PTPN9: variants seen among roughly 807,000 people sequenced by gnomAD.
The protein encoded by PTPN9 is tyrosine-protein phosphatase non-receptor type 9.
In PTPN9, 26 loss-of-function variants were observed where a neutral mutation model predicts 69.8. That is an observed-to-expected ratio of 0.37 (90% confidence interval 0.27 to 0.52). The LOEUF is 0.52. Ranked by LOEUF, PTPN9 falls within the 20% of genes least tolerant of loss-of-function variation. The probability of loss-of-function intolerance (pLI) is 0.91; values close to 1 mark genes in which losing one functional copy is unlikely to be tolerated. For missense variants in PTPN9, 549 were observed against 740.3 expected, an observed-to-expected ratio of 0.74 and a Z score of 3.00; for synonymous variants, 274 against 272.5, an observed-to-expected ratio of 1.01 and a Z score of -0.05.
chr15:75,555,878 C>G (rs1242697268), intron 1 of PTPN9, among the ~76,000 whole-genome samples: 1 of 151,732 alleles, frequency 6.6e-6, no homozygotes, highest in Non-Finnish European at 1.5e-5. Flanking sequence ...TTAAGAACCA[C>G]TGCTCTAGCC....
At chr15:75,497,211 T>C (rs1458197170) in intron 7 of PTPN9, among the ~76,000 whole-genome samples, 1 of 152,108 alleles carries the variant, frequency 6.6e-6, no homozygotes, top group East Asian at 1.9e-4. Context: ...AAAAGACAGC[T>C]GGGCACAGTG....
At chr15:75,521,462 A>T (rs1055258419) in intron 4 of PTPN9, among the ~76,000 whole-genome samples, 1 of 151,998 alleles carries the variant, frequency 6.6e-6, no homozygotes, top group Non-Finnish European at 1.5e-5. Flanking sequence ...AAAGGAAAAA[A>T]AAAATAAAAA....
Position 75,508,930 on chromosome 15 carries a change from T to G in PTPN9, c.626A>C (p.Lys209Thr). The stretch of plus-strand genomic sequence containing the variant: ...AGCTTGCCTTACCCTCTCCCGGACT[T>G]TGTCCTTCAGGAGGAGACTGATGAT... ...YSIISLLLKD[K>T]VRERIQILKT... is the part of the protein sequence containing the mutation. The change falls in exon 6 of 13, where the codon AAA (lysine) becomes ACA (threonine). Residue 209 changes from lysine to threonine, a missense_variant. Physicochemically the swap from Lys to Thr is moderately conservative, Grantham distance 78 (BLOSUM62 -1). Around this residue, in one of 3 missense-constraint regions of PTPN9, gnomAD observed 457 missense variants for 661.9 expected, o/e 0.69. Transcript: ENST00000618819. 1 of 1,613,128 alleles carries G rather than the reference T, an allele frequency of 6.2e-7. No homozygotes were observed. Among genetic ancestry groups the G allele is most frequent in the Non-Finnish European group, 8.5e-7 (1 of 1,179,144 alleles).
At chr15:75,512,472 T>C (rs1457758829) in intron 5 of PTPN9, among the ~76,000 whole-genome samples, 1 of 152,152 alleles carries the variant, frequency 6.6e-6, no homozygotes, top group Non-Finnish European at 1.5e-5. Flanking sequence ...AGATTATAGA[T>C]TTAAGTCACT....
chr15:75,483,680 A>G (rs977848642), intron 8 of PTPN9, among the ~76,000 whole-genome samples: 2 of 152,212 alleles, frequency 1.3e-5, no homozygotes, highest in African/African-American at 4.8e-5. Context: ...TATACTTTAA[A>G]TAGGTAAATT....
chr15:75,551,792 T>C (rs189055347), intron 1 of PTPN9, among the ~76,000 whole-genome samples: 81 of 152,196 alleles, frequency 5.3e-4, no homozygotes, highest in African/African-American at 1.9e-3. Context: ...ATCTCAGCAC[T>C]TTGAGAGGCT....
chr15:75,493,686 G>A (rs1397231969), intron 7 of PTPN9, among the ~76,000 whole-genome samples: 3 of 152,064 alleles, frequency 2.0e-5, no homozygotes, highest in Admixed American at 2.0e-4. Flanking sequence ...GCTTGAACAC[G>A]GGAAATGGAG....
At chr15:75,538,873 G>A (rs2074996449) in intron 1 of PTPN9, among the ~76,000 whole-genome samples, 1 of 152,090 alleles carries the variant, frequency 6.6e-6, no homozygotes, top group Non-Finnish European at 1.5e-5. Flanking sequence ...CCTCTGGGGA[G>A]AGAAAATGAA....
At chr15:75,535,058 G>A (rs987312825) in intron 1 of PTPN9, among the ~76,000 whole-genome samples, 3 of 151,176 alleles carry the variant, frequency 2.0e-5, no homozygotes, top group East Asian at 2.0e-4. Context: ...GTGCAGTGGC[G>A]TGATCTCGGC....
chr15:75,507,706 G>C (rs1252880353), intron 6 of PTPN9, among the ~76,000 whole-genome samples: 2 of 151,878 alleles, frequency 1.3e-5, no homozygotes, highest in Non-Finnish European at 2.9e-5. Flanking sequence ...GGCGGAGCTT[G>C]CAGTGAGCCG....
intron 1 of PTPN9, among the ~76,000 whole-genome samples, chr15:75,555,226 C>G (rs1448781528): frequency 1.3e-5 from 2 of 152,144 alleles, no homozygotes; most frequent in Non-Finnish European, 2.9e-5. Context: ...TCATCCAGTT[C>G]AGACTGCTTC....
chr15:75,530,998 AC>A (rs2074961913), intron 1 of PTPN9, among the ~76,000 whole-genome samples: 1 of 142,644 alleles, frequency 7.0e-6, no homozygotes, highest in African/African-American at 2.6e-5. Context: ...AATAGCAATG[AC>A]CTACTTCGGA....
At chr15:75,534,674 C>CAA (rs56302688) in intron 1 of PTPN9, among the ~76,000 whole-genome samples, 37 of 96,326 alleles carry the variant, frequency 3.8e-4, no homozygotes, top group Non-Finnish European at 4.4e-4. Context: ...GACTCTATCT[C>CAA]AAAAAAAAAA....
chr15:75,489,002 C>T (rs1183306093), intron 8 of PTPN9, among the ~76,000 whole-genome samples: 8 of 151,620 alleles, frequency 5.3e-5, no homozygotes, highest in Admixed American at 5.3e-4. Context: ...GGTGAAACCC[C>T]GTCTCTACTA....
chr15:75,571,697 C>T (rs570001664), intron 1 of PTPN9, among the ~76,000 whole-genome samples: 4 of 151,838 alleles, frequency 2.6e-5, no homozygotes, highest in African/African-American at 7.2e-5. Flanking sequence ...GATATAGAGA[C>T]CATCATGGCC....
In PTPN9 at chr15:75,523,069, G is replaced by A; in HGVS notation, c.422+52C>T. Reference sequence around the variant, plus strand: ...GCTGAATTTAATCAAGTAAAAAACTGTCACTTTCCTACCTGCATGTAGAAT... The same window carrying A: ...GCTGAATTTAATCAAGTAAAAAACTATCACTTTCCTACCTGCATGTAGAAT... On this transcript the variant is annotated intron_variant, in intron 4 of 12. Coordinates refer to ENST00000618819, the MANE Select transcript of PTPN9 (RefSeq NM_002833.4). 3.1e-6 allele frequency: 5 copies of A among 1,598,138 alleles called. No homozygotes were observed. In the South Asian group the frequency reaches 5.6e-5, roughly 18 times the overall value.
At chr15:75,528,758 T>C (rs1487425263) in intron 1 of PTPN9, among the ~76,000 whole-genome samples, 1 of 149,904 alleles carries the variant, frequency 6.7e-6, no homozygotes, top group Non-Finnish European at 1.5e-5. Context: ...TGCAGTGCAG[T>C]GGCACAATTA....
intron 8 of PTPN9, among the ~76,000 whole-genome samples, chr15:75,482,533 C>T: frequency 1.4e-5 from 2 of 140,004 alleles, no homozygotes; most frequent in Non-Finnish European, 1.5e-5. Context: ...CCACTGCACT[C>T]CAGCCTGGGC....
At chr15:75,477,444 A>T in intron 9 of PTPN9, among the ~76,000 whole-genome samples, 1 of 151,990 alleles carries the variant, frequency 6.6e-6, no homozygotes, top group East Asian at 1.9e-4. Flanking sequence ...AAAATACAAA[A>T]ATTAGCCAGG....
Sources: gnomAD v4.1 joint callset for allele counts (sites outside exome capture counted in the v4.1 genomes callset) on GRCh38, gnomAD v4.1.1 for gene constraint, gnomAD v4.1.1 regional missense constraint, MANE v1.5 for transcripts, NCBI Gene and HGNC (gene_info 2026-07-23, HGNC 2026-07-21) for gene names.